The following ANKS1B variants were observed in gnomAD, a reference collection of about 807,000 sequenced individuals.
The protein encoded by ANKS1B is ankyrin repeat and sterile alpha motif domain-containing protein 1B.
Under a neutral mutation model 148.3 loss-of-function variants are expected in ANKS1B, and 36 were observed. The observed-to-expected ratio is 0.24, with a 90% CI of 0.19 to 0.32. ANKS1B has a LOEUF of 0.32. Ranked by LOEUF, ANKS1B falls within the 10% of genes least tolerant of loss-of-function variation. The pLI, the probability that ANKS1B is intolerant of heterozygous loss-of-function variation, is 1.00. For missense variants in ANKS1B, 1,157 were observed against 1,542.6 expected (o/e 0.75, Z 4.19); for synonymous variants, 542 against 560.8 (o/e 0.97, Z 0.47).
At chr12:99,743,288 C>T (rs929827658) in intron 8 of ANKS1B, among the ~76,000 whole-genome samples, 1 of 152,068 alleles carries the variant, frequency 6.6e-6, no homozygotes, top group Admixed American at 6.5e-5. Context: ...AGAAAAAGAC[C>T]TTTCAGTTCC....
chr12:99,922,976 T>C (rs2094398065), intron 1 of ANKS1B, among the ~76,000 whole-genome samples: 1 of 152,078 alleles, frequency 6.6e-6, no homozygotes, highest in Admixed American at 6.6e-5. Context: ...AATTACTTAA[T>C]CTGTGGCATT....
intron 17 of ANKS1B, among the ~76,000 whole-genome samples, chr12:99,052,447 G>T (rs2153529319): frequency 6.7e-6 from 1 of 148,910 alleles, no homozygotes; most frequent in South Asian, 2.4e-4. Context: ...GAGACAAGGG[G>T]CCGGGCGCGG....
chr12:99,780,125 ACACATGCGCACACACACACACACT>A (rs1304978824), intron 5 of ANKS1B, among the ~76,000 whole-genome samples, 153 bp from the exon 6 acceptor site: 1 of 152,088 alleles, frequency 6.6e-6, no homozygotes, highest in Non-Finnish European at 1.5e-5. Context: ...ACATACACAC[ACACATGCGCACACACACACACACT>A]CACACAAGAT....
intron 9 of ANKS1B, among the ~76,000 whole-genome samples, chr12:99,548,257 AG>A (rs2153154861): frequency 6.6e-6 from 1 of 152,290 alleles, no homozygotes; most frequent in Admixed American, 6.5e-5. Context: ...TGCTAACTAA[AG>A]ACAGCAGCAT....
chr12:99,167,690 C>T (rs2077322783), intron 14 of ANKS1B, among the ~76,000 whole-genome samples: 1 of 152,146 alleles, frequency 6.6e-6, no homozygotes, highest in East Asian at 1.9e-4. Flanking sequence ...AGCCATTTTA[C>T]TGCTGAATAT....
chr12:99,071,362 CA>C (rs2046213752), intron 16 of ANKS1B, among the ~76,000 whole-genome samples: 1 of 152,196 alleles, frequency 6.6e-6, no homozygotes, highest in African/African-American at 2.4e-5. Flanking sequence ...ATTAAGTTAG[CA>C]CTTATTTCAA....
At chr12:99,319,593 T>C (rs2084844294) in intron 12 of ANKS1B, among the ~76,000 whole-genome samples, 1 of 152,248 alleles carries the variant, frequency 6.6e-6, no homozygotes, top group Non-Finnish European at 1.5e-5. Flanking sequence ...ATGGGTTTCC[T>C]GAATACAGCA....
At chr12:99,621,893 G>A (rs992743654) in intron 9 of ANKS1B, among the ~76,000 whole-genome samples, 1 of 151,852 alleles carries the variant, frequency 6.6e-6, no homozygotes, top group Non-Finnish European at 1.5e-5. Context: ...TTTGACACTT[G>A]ACTAATTGGA....
chr12:99,174,649 AC>A (rs1435459275), intron 14 of ANKS1B, among the ~76,000 whole-genome samples: 1 of 152,170 alleles, frequency 6.6e-6, no homozygotes, highest in African/African-American at 2.4e-5. Flanking sequence ...AAGGAAGCCA[AC>A]ATAGAGCATA....
chr12:99,816,232 G>GA (rs1281487842), intron 2 of ANKS1B, among the ~76,000 whole-genome samples: 2 of 151,756 alleles, frequency 1.3e-5, no homozygotes, highest in Non-Finnish European at 2.9e-5. Context: ...TTATTTCCCT[G>GA]ATGATTAGTG....
At chr12:99,415,606 G>GATGT (rs1214550605) in intron 11 of ANKS1B, among the ~76,000 whole-genome samples, 1 of 151,930 alleles carries the variant, frequency 6.6e-6, no homozygotes, top group Non-Finnish European at 1.5e-5. Flanking sequence ...TCCCTCAGTG[G>GATGT]GCACATCTCA....
intron 10 of ANKS1B, among the ~76,000 whole-genome samples, chr12:99,475,978 A>G (rs2096313097): frequency 6.6e-6 from 1 of 152,188 alleles, no homozygotes; most frequent in South Asian, 2.1e-4. Context: ...AAACAATAAA[A>G]CAATAATAAT....
intron 17 of ANKS1B, among the ~76,000 whole-genome samples, chr12:98,982,614 C>T (rs2099912977): frequency 6.6e-6 from 1 of 152,042 alleles, no homozygotes; most frequent in South Asian, 2.1e-4. Context: ...TTAGGGTTTG[C>T]ATATTTTTGA....
chr12:99,247,273 G>A (rs550271943), intron 12 of ANKS1B, among the ~76,000 whole-genome samples: 9 of 152,242 alleles, frequency 5.9e-5, no homozygotes, highest in Non-Finnish European at 1.3e-4. Context: ...AGGCAGGTAA[G>A]TCAAGGTCAT....
chr12:99,276,290 C>T (rs2077659082), intron 12 of ANKS1B, among the ~76,000 whole-genome samples: 1 of 152,154 alleles, frequency 6.6e-6, no homozygotes, highest in Non-Finnish European at 1.5e-5. Flanking sequence ...AATTCAAATG[C>T]TGAAGCTCTA....
chr12:99,606,014 G>A (rs1206918355), intron 9 of ANKS1B, among the ~76,000 whole-genome samples: 1 of 151,838 alleles, frequency 6.6e-6, no homozygotes, highest in Non-Finnish European at 1.5e-5. Context: ...TTGTCTTTTT[G>A]ATAATAACCA....
chr12:99,381,369 C>T (rs73151150), intron 12 of ANKS1B, among the ~76,000 whole-genome samples: 19,176 of 152,104 alleles, frequency 0.13, 1,305 homozygotes, highest in African/African-American at 0.18. Flanking sequence ...TATCAGTATG[C>T]GATTTGGCAA....
chr12:99,752,724 T>G (rs1601432162), intron 8 of ANKS1B, among the ~76,000 whole-genome samples: 1 of 152,118 alleles, frequency 6.6e-6, no homozygotes, highest in East Asian at 1.9e-4. Flanking sequence ...AACTTATAAT[T>G]CTGATAGTTT....
chr12:99,552,652 A>G (rs765316580), intron 9 of ANKS1B, among the ~76,000 whole-genome samples: 1 of 152,246 alleles, frequency 6.6e-6, no homozygotes, highest in African/African-American at 2.4e-5. Flanking sequence ...ATCAAAAATC[A>G]TAGATATAAA....
Sources: gnomAD v4.1 joint callset for allele counts (sites outside exome capture counted in the v4.1 genomes callset) on GRCh38, gnomAD v4.1.1 for gene constraint, MANE v1.5 for transcripts, NCBI Gene and HGNC (gene_info 2026-07-23, HGNC 2026-07-21) for gene names.